MED13L: variants seen among roughly 807,000 people sequenced by gnomAD.
MED13L encodes the protein mediator complex subunit 13L.
Under a neutral mutation model 220.9 loss-of-function variants are expected in MED13L, and 7 were observed. The ratio of observed to expected loss-of-function variants is 0.03; its 90% CI spans 0.02 to 0.06. The LOEUF (loss-of-function observed/expected upper bound fraction) is 0.06. Among genes scored for constraint, MED13L ranks in the 10% least tolerant of loss-of-function variants. The pLI is 1.00. For synonymous variants in MED13L, 1,011 were observed against 1,015.2 expected, an observed-to-expected ratio of 1.00 and a Z score of 0.08; for missense variants, 1,965 against 2,760.5, an observed-to-expected ratio of 0.71 and a Z score of 6.46.
At chr12:116,115,387 T>A (rs1445110422) in intron 2 of MED13L, among the ~76,000 whole-genome samples, 1 of 152,114 alleles carries the variant, frequency 6.6e-6, no homozygotes, top group East Asian at 1.9e-4. Flanking sequence ...AACCTAAATC[T>A]AGTATTTCTA....
chr12:116,122,855 CA>C (rs2137962691), intron 2 of MED13L, among the ~76,000 whole-genome samples: 2 of 152,242 alleles, frequency 1.3e-5, no homozygotes, highest in East Asian at 3.9e-4. Flanking sequence ...GTAAAGCCAG[CA>C]AACTTTAAAT....
chr12:115,992,568 G>A (rs1030712590), intron 16 of MED13L, among the ~76,000 whole-genome samples: 1 of 152,176 alleles, frequency 6.6e-6, no homozygotes, highest in Non-Finnish European at 1.5e-5. Context: ...GAGTGACCAT[G>A]AGGGAATTAT....
At position 115,961,019 on chromosome 12, in the gene MED13L, C is replaced by T; in HGVS notation, c.*247G>A. On this transcript the variant is annotated 3_prime_UTR_variant, in exon 31 of 31. Coordinates refer to ENST00000281928, the MANE Select transcript of MED13L (RefSeq NM_015335.5). ...GGGGACCAGTGGTTGGGGCTACACA[C>T]ACCACCGCACTGGCTGAAAGTCACC... The T allele has an allele frequency of 1.9e-6, 1 of 528,344 alleles. No homozygotes were observed. The highest frequency in any genetic ancestry group is 1.9e-5 in the African/African-American group (1 of 52,638). The allele number at this position is 528,344 out of a possible 1,614,324, so 32.7% of individuals were successfully genotyped here. A position where few individuals can be genotyped will look rare whatever the true frequency, so the allele number is the denominator to read the frequency against.
At chr12:116,054,091 T>C (rs766382329) in intron 4 of MED13L, among the ~76,000 whole-genome samples, 1 of 152,078 alleles carries the variant, frequency 6.6e-6, no homozygotes, top group Non-Finnish European at 1.5e-5. Flanking sequence ...GTCCAGCAAG[T>C]TCCCCATGCT....
intron 4 of MED13L, among the ~76,000 whole-genome samples, chr12:116,033,047 A>T (rs1880952548): frequency 6.6e-6 from 1 of 152,054 alleles, no homozygotes; most frequent in Admixed American, 6.6e-5. Flanking sequence ...TCTGGGATCT[A>T]CTTAGGACTG....
At chr12:115,988,189 AAC>A (rs1877827806) in intron 17 of MED13L, among the ~76,000 whole-genome samples, 1 of 152,198 alleles carries the variant, frequency 6.6e-6, no homozygotes, top group Non-Finnish European at 1.5e-5. Flanking sequence ...CTAAATTTGA[AAC>A]ACAGGATGAT....
chr12:116,102,443 C>T (rs538943809), intron 3 of MED13L, among the ~76,000 whole-genome samples: 12 of 152,256 alleles, frequency 7.9e-5, no homozygotes, highest in African/African-American at 2.9e-4. Context: ...ATAATCTCAA[C>T]AAAATTACAT....
At chr12:115,974,939 C>T (rs1168135924) in intron 25 of MED13L, among the ~76,000 whole-genome samples, 3 of 151,964 alleles carry the variant, frequency 2.0e-5, no homozygotes, top group African/African-American at 7.3e-5. Context: ...ATTAATAAAA[C>T]CCTCTTTTTG....
chr12:115,987,068 A>G (rs775038586), intron 18 of MED13L, 41 bp downstream of exon 18: 16 of 1,602,292 alleles, frequency 1.0e-5, no homozygotes, highest in African/African-American at 1.3e-5. Context: ...ACTGAACAGC[A>G]CTGAAGTCAG....
intron 16 of MED13L, among the ~76,000 whole-genome samples, chr12:115,993,944 G>A (rs1592926543): frequency 1.3e-5 from 2 of 152,168 alleles, no homozygotes; most frequent in East Asian, 3.8e-4. Flanking sequence ...GACAAAGGAG[G>A]AGTCCAGGGT....
chr12:116,243,872 T>C (rs530536281), intron 1 of MED13L, among the ~76,000 whole-genome samples: 2 of 152,270 alleles, frequency 1.3e-5, no homozygotes, highest in South Asian at 4.1e-4. Flanking sequence ...TATAAAGTGA[T>C]AGGGTTGACC....
chr12:116,203,118 T>C (rs1882105025), intron 2 of MED13L, among the ~76,000 whole-genome samples: 1 of 152,194 alleles, frequency 6.6e-6, no homozygotes, highest in Non-Finnish European at 1.5e-5. Flanking sequence ...TCAAACTGTA[T>C]TCCTCTGAAC....
chr12:116,099,713 G>GA (rs1872907067), intron 3 of MED13L, among the ~76,000 whole-genome samples: 1 of 152,274 alleles, frequency 6.6e-6, no homozygotes, highest in Admixed American at 6.5e-5. Context: ...CTTCATTCCA[G>GA]AAAAAACAAA....
chr12:116,032,200 A>C (rs1249789705), intron 4 of MED13L, among the ~76,000 whole-genome samples: 1 of 152,182 alleles, frequency 6.6e-6, no homozygotes, highest in Non-Finnish European at 1.5e-5. Flanking sequence ...ATAATTTCCC[A>C]AAATGATCTA....
chr12:116,091,805 G>A (rs1411451734), intron 4 of MED13L, among the ~76,000 whole-genome samples: 2 of 152,294 alleles, frequency 1.3e-5, no homozygotes, highest in East Asian at 3.9e-4. Context: ...GGCAGACACA[G>A]CTGATCAATC....
chr12:116,190,477 C>G (rs542626392), intron 2 of MED13L, among the ~76,000 whole-genome samples: 44 of 152,110 alleles, frequency 2.9e-4, no homozygotes, highest in Admixed American at 2.0e-4. Flanking sequence ...CTCACTACAT[C>G]AAATCTGAAT....
At chr12:116,107,261 T>A (rs1297190340) in intron 3 of MED13L, among the ~76,000 whole-genome samples, 2 of 152,220 alleles carry the variant, frequency 1.3e-5, no homozygotes. Context: ...ACAATGCTCT[T>A]GAGTAAGTAG....
intron 2 of MED13L, among the ~76,000 whole-genome samples, chr12:116,125,323 G>A (rs1875487705): frequency 6.6e-6 from 1 of 152,126 alleles, no homozygotes; most frequent in South Asian, 2.1e-4. Context: ...ATCAATCAAT[G>A]CAAACGGTTA....
At chr12:115,984,502 C>T in intron 19 of MED13L, 130 bp from the exon 20 acceptor site, 1 of 948,204 alleles carries the variant, frequency 1.1e-6, no homozygotes. Flanking sequence ...TTATCACATG[C>T]AATCAAACCA....
Sources: gnomAD v4.1 joint callset for allele counts (sites outside exome capture counted in the v4.1 genomes callset) on GRCh38, gnomAD v4.1.1 for gene constraint, MANE v1.5 for transcripts, NCBI Gene and HGNC (gene_info 2026-07-23, HGNC 2026-07-21) for gene names.